BOC: variants seen among roughly 807,000 people sequenced by gnomAD.
BOC encodes the protein BOC cell adhesion associated, oncogene regulated.
BOC carries 76 observed loss-of-function variants against 112.0 expected under a neutral mutation model. The observed-to-expected ratio is 0.68, with a 90% confidence interval of 0.56 to 0.82. BOC has a LOEUF of 0.82. BOC is among the 40% of genes least tolerant of loss of function. The probability of loss-of-function intolerance (pLI) is 0.00; values close to 1 mark genes in which losing one functional copy is unlikely to be tolerated. For missense variants in BOC, 1,309 were observed against 1,511.7 expected, an observed-to-expected ratio of 0.87 and a Z score of 2.22; for synonymous variants, 580 against 599.8, an observed-to-expected ratio of 0.97 and a Z score of 0.48.
intron 2 of BOC, among the ~76,000 whole-genome samples, chr3:113,231,770 C>T (rs1576353346): frequency 6.6e-6 from 1 of 152,100 alleles, no homozygotes; most frequent in African/African-American, 2.4e-5. Context: ...ATCTCCTTTC[C>T]ACCACTACAT....
At chr3:113,236,298 A>C in intron 2 of BOC, among the ~76,000 whole-genome samples, 1 of 124,502 alleles carries the variant, frequency 8.0e-6, no homozygotes, top group Non-Finnish European at 1.8e-5. Context: ...ATATATATAT[A>C]TATATATATA....
chr3:113,218,256 C>A (rs375062500), intron 2 of BOC, among the ~76,000 whole-genome samples: 7 of 152,220 alleles, frequency 4.6e-5, no homozygotes, highest in African/African-American at 1.7e-4. Context: ...CCTTCCCTGG[C>A]TCTGCCAGTA....
chr3:113,272,222 G>C (rs1424260760), intron 6 of BOC, 188 bp from the exon 7 acceptor site: 21 of 633,370 alleles, frequency 3.3e-5, no homozygotes, highest in Non-Finnish European at 5.5e-5. Flanking sequence ...TGCAGAAGCA[G>C]TCCTTGTTTC....
rs888764003 is a variant in BOC at position 113,272,264 on chromosome 3, G to C, written c.668-146G>C. On this transcript the variant is annotated intron_variant, in intron 6 of 19. Coordinates refer to ENST00000682979, the MANE Select transcript of BOC (RefSeq NM_001378074.1). ...GGACACCAAGCCCCAAGGGAATTCT[G>C]TAGCACGCCCCACTCTACATAGGTT... 7 of 836,424 alleles carry C rather than the reference G, an allele frequency of 8.4e-6. No individual in the cohort carries two copies. In the African/African-American group the frequency reaches 1.2e-4, roughly 14 times the overall value. 51.8% of individuals were successfully genotyped at this position (836,424 alleles called of 1,614,324 possible).
At position 113,281,179 on chromosome 3, in the gene BOC, T is replaced by A. The variant is rs199562951; in HGVS notation, c.2434+26T>A. Reference sequence around the variant, plus strand: ...GTGAAGCTCTTTGGGTTCTCTCTCCTGTCTTGGTGTTTCCAGCGAGGGAAG... The same window carrying A: ...GTGAAGCTCTTTGGGTTCTCTCTCCAGTCTTGGTGTTTCCAGCGAGGGAAG... On this transcript the variant is annotated intron_variant, in intron 15 of 19. Coordinates refer to ENST00000682979, the MANE Select transcript of BOC (RefSeq NM_001378074.1). 1.9e-6 allele frequency: 3 copies of A among 1,611,612 alleles called. No homozygotes were observed. The Admixed American group carries it at 5.0e-5, about 27-fold the overall frequency.
chr3:113,236,226 ATATG>A lies in BOC; in HGVS notation c.-81-13494_-81-13491del, dbSNP rs1202149997. Among the ~76,000 whole-genome samples the A allele has an allele frequency of 1.7e-3, 162 of 96,770 alleles. 1 individual carries two copies. The highest frequency in any genetic ancestry group is 4.9e-3 in the Middle Eastern group (1 of 204). 63.5% of individuals were successfully genotyped at this position (96,770 alleles called of 152,430 possible). A position where few individuals can be genotyped will look rare whatever the true frequency, so the allele number is the denominator to read the frequency against. On this transcript the variant is annotated intron_variant, in intron 2 of 19. Coordinates refer to ENST00000682979, the MANE Select transcript of BOC (RefSeq NM_001378074.1). Reference sequence around the variant, plus strand: ...GGTATATATATACGTGTATATACGTATATGTGTGTGTGTGTGTGTGTGTGTGTGT... The same window carrying A: ...GGTATATATATACGTGTATATACGTATGTGTGTGTGTGTGTGTGTGTGTGT...
At chr3:113,258,407 T>C (rs1376580839) in intron 4 of BOC, among the ~76,000 whole-genome samples, 1 of 152,218 alleles carries the variant, frequency 6.6e-6, no homozygotes, top group Non-Finnish European at 1.5e-5. Context: ...TAACTGTTTC[T>C]CATCTCTTTT....
chr3:113,215,537 C>A (rs1939192540), intron 1 of BOC, among the ~76,000 whole-genome samples: 1 of 152,162 alleles, frequency 6.6e-6, no homozygotes, highest in African/African-American at 2.4e-5. Flanking sequence ...ATTACTCCAC[C>A]ATCTTTTTCA....
intron 2 of BOC, among the ~76,000 whole-genome samples, chr3:113,248,303 G>A (rs1304903102): frequency 2.0e-5 from 3 of 152,192 alleles, no homozygotes; most frequent in Non-Finnish European, 4.4e-5. Flanking sequence ...TGTTTCTTAC[G>A]GCAGTCTCTG....
chr3:113,284,529 A>G lies in BOC; in HGVS notation c.2851A>G (p.Met951Val). The change falls in exon 17 of 20, where the codon ATG becomes GTG. Residue 951 changes from methionine (M) to valine (V), a missense_variant. Physicochemically the swap from Met to Val is conservative, Grantham distance 21. Transcript: ENST00000682979. ...CTCGGCTGCAGTGGGCTACCCGGGC[A>G]TGAAGCCCCAGCAGCACTGCCCAGG... is the stretch of plus-strand genomic sequence containing the variant. ...CPSAAVGYPGMKPQQHCPGEL... is the reference protein window; with the variant it reads ...CPSAAVGYPGVKPQQHCPGEL... 6.2e-7 allele frequency: 1 copy of G among 1,613,928 alleles called. No homozygotes were observed. Among genetic ancestry groups the G allele is most frequent in the Non-Finnish European group, 8.5e-7 (1 of 1,179,846 alleles).
intron 1 of BOC, among the ~76,000 whole-genome samples, chr3:113,214,169 T>A (rs996904232): frequency 1.3e-5 from 2 of 152,222 alleles, no homozygotes; most frequent in South Asian, 4.1e-4. Context: ...GAGAGGACTC[T>A]GCTTAGCTGT....
At position 113,261,277 on chromosome 3, in the gene BOC, G is replaced by C. The variant is rs202076781; in HGVS notation, c.377-7022G>C. ...TCCAGCTCTGGCTCTGATGAGTCCA[G>C]ACCACCAGGACTCACATTAATTTTC... On this transcript the variant is annotated intron_variant, in intron 4 of 19. Transcript: ENST00000682979. Among the ~76,000 whole-genome samples the C allele has an allele frequency of 7.2e-5, 11 of 152,290 alleles. No individual in the cohort carries two copies. The East Asian group carries it at 1.9e-3, about 27-fold the overall frequency.
At position 113,281,141 on chromosome 3, in the gene BOC, T is replaced by C. The variant is rs771727367; in HGVS notation, c.2422T>C (p.Cys808Arg). The change falls in exon 15 of 20, where the codon TGT becomes CGT. Residue 808 changes from cysteine (C) to arginine (R), a missense_variant. Coordinates refer to ENST00000682979, the MANE Select transcript of BOC (RefSeq NM_001378074.1). The stretch of plus-strand genomic sequence containing the variant: ...GAGCGAGTTCAGCAACGTGATGATC[T>C]GTGAGACCAAAGGTGAAGCTCTTTG... ...GESEFSNVMI[C>R]ETKARKSSGQ... 6.2e-7 allele frequency: 1 copy of C among 1,614,138 alleles called. No homozygotes were observed. The highest frequency in any genetic ancestry group is 8.5e-7 in the Non-Finnish European group (1 of 1,180,016).
intron 2 of BOC, among the ~76,000 whole-genome samples, chr3:113,240,273 A>G (rs1944116838): frequency 3.9e-5 from 6 of 152,226 alleles, no homozygotes; most frequent in South Asian, 2.1e-4. Flanking sequence ...CAACGAGCAC[A>G]GTGTCTGCCT....
chr3:113,259,887 C>G (rs1324747157), intron 4 of BOC, among the ~76,000 whole-genome samples: 1 of 152,196 alleles, frequency 6.6e-6, no homozygotes, highest in Non-Finnish European at 1.5e-5. Context: ...GAATGGTGGT[C>G]CCTCAGCTGG....
At chr3:113,286,583 C>T in intron 19 of BOC, 92 bp from the exon 20 acceptor site, 1 of 1,177,230 alleles carries the variant, frequency 8.5e-7, no homozygotes. Context: ...GTGTAACCAC[C>T]TCCACCACAG....
chr3:113,241,722 C>T (rs1049467094), intron 2 of BOC, among the ~76,000 whole-genome samples: 11 of 152,170 alleles, frequency 7.2e-5, no homozygotes, highest in Admixed American at 2.0e-4. Context: ...TAGTGTTTCC[C>T]GGGGCAACAC....
chr3:113,226,146 A>C (rs1454653120), intron 2 of BOC, among the ~76,000 whole-genome samples: 2 of 151,920 alleles, frequency 1.3e-5, no homozygotes, highest in Non-Finnish European at 1.5e-5. Context: ...ATGTGGGGGG[A>C]ATGGGGGAAT....
intron 2 of BOC, among the ~76,000 whole-genome samples, chr3:113,246,093 TTTG>T (rs1265141837): frequency 5.3e-5 from 8 of 152,200 alleles, no homozygotes; most frequent in East Asian, 1.9e-4. Context: ...CAGAGTGTGT[TTTG>T]TTGTTGTTGT....
Sources: allele counts gnomAD v4.1 joint callset (sites outside exome capture counted in the v4.1 genomes callset), GRCh38; gene constraint gnomAD v4.1.1; transcripts MANE v1.5; gene names NCBI Gene and HGNC (gene_info 2026-07-23, HGNC 2026-07-21).